Variants in ZEB1 observed in about 807,000 individuals in gnomAD.
ZEB1 encodes zinc finger E-box binding homeobox 1, also known as zinc finger E-box-binding homeobox 1.
A neutral mutation model predicts 84.9 loss-of-function variants in ZEB1; 21 were observed. The ratio of observed to expected loss-of-function variants is 0.25; its 90% CI spans 0.18 to 0.36. ZEB1 has a LOEUF of 0.36. Among genes scored for constraint, ZEB1 ranks in the 10% least tolerant of loss-of-function variants. The pLI, the probability that ZEB1 is intolerant of heterozygous loss-of-function variation, is 1.00. For missense variants in ZEB1, 1,104 were observed against 1,330.2 expected (o/e 0.83, Z 2.65); for synonymous variants, 420 against 471.1 (o/e 0.89, Z 1.41).
At chr10:31,444,836 G>A (rs2059549010) in intron 1 of ZEB1, among the ~76,000 whole-genome samples, 1 of 151,730 alleles carries the variant, frequency 6.6e-6, no homozygotes, top group African/African-American at 2.4e-5. Flanking sequence ...ATAGTTTGAA[G>A]TCAGGTAGTG....
intron 2 of ZEB1, among the ~76,000 whole-genome samples, chr10:31,491,786 C>T (rs553059404): frequency 6.6e-6 from 1 of 152,006 alleles, no homozygotes; most frequent in South Asian, 2.1e-4. Context: ...TATTTTTAAT[C>T]ATTATCTAAG....
intron 1 of ZEB1, among the ~76,000 whole-genome samples, chr10:31,456,348 A>G (rs1468955794): frequency 1.3e-5 from 2 of 152,142 alleles, no homozygotes; most frequent in South Asian, 2.1e-4. Context: ...AGGCATGTGT[A>G]TACCTATGTA....
intron 4 of ZEB1, among the ~76,000 whole-genome samples, chr10:31,506,721 C>G (rs1195712853): frequency 6.6e-6 from 1 of 152,048 alleles, no homozygotes; most frequent in Non-Finnish European, 1.5e-5. Context: ...TTCAGCCAAT[C>G]TGTACCTTTT....
At chr10:31,366,901 G>A (rs1432728521) in intron 1 of ZEB1, among the ~76,000 whole-genome samples, 1 of 152,106 alleles carries the variant, frequency 6.6e-6, no homozygotes, top group Admixed American at 6.5e-5. Flanking sequence ...AAAGTTTAAT[G>A]TCTTATAGTT....
At chr10:31,419,394 A>G (rs925907235) in intron 1 of ZEB1, among the ~76,000 whole-genome samples, 4 of 152,142 alleles carry the variant, frequency 2.6e-5, no homozygotes, top group Non-Finnish European at 4.4e-5. Context: ...AAAATCATCA[A>G]AAGGTTTTGA....
intron 1 of ZEB1, among the ~76,000 whole-genome samples, chr10:31,346,401 G>A (rs1410823164): frequency 6.6e-6 from 1 of 152,108 alleles, no homozygotes; most frequent in East Asian, 1.9e-4. Flanking sequence ...AATAAAGGTA[G>A]GATGATGTGA....
At chr10:31,483,119 A>G (rs569880346) in intron 2 of ZEB1, among the ~76,000 whole-genome samples, 1 of 152,146 alleles carries the variant, frequency 6.6e-6, no homozygotes, top group African/African-American at 2.4e-5. Context: ...CCTCTTCTCT[A>G]AAACACTGGA....
At chr10:31,404,263 T>G (rs904998618) in intron 1 of ZEB1, among the ~76,000 whole-genome samples, 2 of 152,100 alleles carry the variant, frequency 1.3e-5, no homozygotes, top group African/African-American at 4.8e-5. Flanking sequence ...TTACAGTGAT[T>G]CTTTTTCTTG....
At chr10:31,507,526 C>T (rs220064) in intron 4 of ZEB1, among the ~76,000 whole-genome samples, 140,176 of 152,030 alleles carry the variant, frequency 0.92, 64,815 homozygotes, top group East Asian at 1. Flanking sequence ...GTTCATTGTT[C>T]TTTTATTCTT....
In ZEB1 at chr10:31,524,032, A is replaced by G. The variant is rs771407868; in HGVS notation, c.2704A>G (p.Asn902Asp). ...PPKKKMRKTE[N>D]GMYACDLCDK... is the part of the protein sequence containing the mutation. ...CAAAAAGAAAATGCGGAAGACAGAA[A>G]ATGGAATGTATGCTTGTGATTTGTG... The change falls in exon 8 of 9, where the codon AAT becomes GAT. Residue 902 changes from asparagine to aspartate, a missense_variant. By Grantham distance (23) the Asn-to-Asp change is conservative. Coordinates refer to ENST00000424869, the MANE Select transcript of ZEB1 (RefSeq NM_001174096.2). 1 of 1,614,042 alleles carries G rather than the reference A, an allele frequency of 6.2e-7. No homozygotes were observed. The highest frequency in any genetic ancestry group is 1.7e-5 in the Admixed American group (1 of 60,022).
chr10:31,319,346 G>A, intron 1 of ZEB1, 54 bp downstream of exon 1: 3 of 1,569,640 alleles, frequency 1.9e-6, no homozygotes, highest in Non-Finnish European at 2.6e-6. Flanking sequence ...CTGGGCAGCC[G>A]GGGCGCCCCC....
chr10:31,480,459 T>C (rs2064895068), intron 2 of ZEB1, among the ~76,000 whole-genome samples: 1 of 152,066 alleles, frequency 6.6e-6, no homozygotes, highest in Admixed American at 6.6e-5. Context: ...GTGTATGATT[T>C]AGAAAAGATT....
chr10:31,422,699 T>A (rs374496329), intron 1 of ZEB1, among the ~76,000 whole-genome samples: 176 of 152,202 alleles, frequency 1.2e-3, no homozygotes, highest in African/African-American at 4.1e-3. Context: ...GAGTTGGGGG[T>A]ACATGTGTAG....
chr10:31,382,034 A>C (rs12772312), intron 1 of ZEB1, among the ~76,000 whole-genome samples: 6 of 145,774 alleles, frequency 4.1e-5, no homozygotes, highest in South Asian at 2.2e-4. Context: ...AAAAAAAAAA[A>C]CAAAGTAAAT....
intron 1 of ZEB1, among the ~76,000 whole-genome samples, chr10:31,377,422 G>A (rs773518361): frequency 3.3e-5 from 5 of 151,618 alleles, no homozygotes; most frequent in Admixed American, 6.6e-5. Context: ...CAATTATGAG[G>A]CCATCTTAGC....
intron 1 of ZEB1, among the ~76,000 whole-genome samples, chr10:31,337,383 A>G (rs1252769535): frequency 2.0e-5 from 3 of 152,058 alleles, no homozygotes; most frequent in African/African-American, 7.2e-5. Context: ...TGGAACTCAG[A>G]TATTTATTGT....
intron 3 of ZEB1, among the ~76,000 whole-genome samples, chr10:31,500,299 C>T (rs1025004695): frequency 1.3e-5 from 2 of 151,996 alleles, no homozygotes; most frequent in Non-Finnish European, 2.9e-5. Flanking sequence ...TTTTGTTCTA[C>T]CTAATGACAA....
chr10:31,443,264 C>A (rs991299667), intron 1 of ZEB1, among the ~76,000 whole-genome samples: 1 of 151,980 alleles, frequency 6.6e-6, no homozygotes, highest in Non-Finnish European at 1.5e-5. Flanking sequence ...AGATGTCAGC[C>A]TTTAGTCATA....
At chr10:31,444,418 T>C (rs1025668186) in intron 1 of ZEB1, among the ~76,000 whole-genome samples, 2 of 152,002 alleles carry the variant, frequency 1.3e-5, no homozygotes, top group East Asian at 1.9e-4. Flanking sequence ...TTTAGTTTAA[T>C]GAGATCCCAT....
Sources: gnomAD v4.1 joint callset for allele counts (sites outside exome capture counted in the v4.1 genomes callset) on GRCh38, gnomAD v4.1.1 for gene constraint, MANE v1.5 for transcripts, NCBI Gene and HGNC (gene_info 2026-07-23, HGNC 2026-07-21) for gene names.